The following PCDHGA7 variants were observed in gnomAD, a reference collection of about 807,000 sequenced individuals.
PCDHGA7 encodes the protein protocadherin gamma subfamily A, 7, also known as protocadherin gamma-A7.
A neutral mutation model predicts 58.3 loss-of-function variants in PCDHGA7; 44 were observed. The observed-to-expected ratio is 0.75, with a 90% confidence interval of 0.59 to 0.97. The LOEUF is 0.97. Among genes scored for constraint, PCDHGA7 ranks in the 50% least tolerant of loss-of-function variants. PCDHGA7 has a pLI of 0.00. For synonymous variants in PCDHGA7, 516 were observed against 504.2 expected (o/e 1.02, Z -0.31); for missense variants, 1,266 against 1,188.7 (o/e 1.06, Z -0.96).
At chr5:141,510,785 C>G (rs951225541) in intron 3 of PCDHGA7, among the ~76,000 whole-genome samples, 162 bp from the exon 4 acceptor site, 1 of 152,150 alleles carries the variant, frequency 6.6e-6, no homozygotes, top group Non-Finnish European at 1.5e-5. Flanking sequence ...ACCCTCAACT[C>G]TTGTGAAGAG....
chr5:141,445,991 T>C (rs532620580), intron 1 of PCDHGA7, among the ~76,000 whole-genome samples: 147 of 152,168 alleles, frequency 9.7e-4, no homozygotes, highest in Admixed American at 3.4e-3. Context: ...TAAATAGAAA[T>C]AGGAAGATAA....
Position 141,458,657 on chromosome 5 carries a change from C to T in PCDHGA7, c.2425-36150C>T, listed in dbSNP as rs1214452360. On this transcript the variant is annotated intron_variant, in intron 1 of 3. Coordinates refer to ENST00000518325, the MANE Select transcript of PCDHGA7 (RefSeq NM_018920.4). ...CAATCCCAGCTCACTGCAACCTCCA[C>T]CTCTCGGGTTCAAGCAATTCTACTG... Among the ~76,000 whole-genome samples, 6 of 152,276 alleles carry T rather than the reference C, an allele frequency of 3.9e-5. No homozygotes were observed. In the East Asian group the frequency reaches 9.6e-4, roughly 24 times the overall value.
At chr5:141,410,903 G>C (rs191165984) in intron 1 of PCDHGA7, 2 of 276,978 alleles carry the variant, frequency 7.2e-6, no homozygotes, top group South Asian at 4.9e-5. Context: ...GCCTAGGCTG[G>C]AGTGCAGTGG....
chr5:141,501,530 G>T (rs556760554), intron 2 of PCDHGA7, among the ~76,000 whole-genome samples: 1 of 151,998 alleles, frequency 6.6e-6, no homozygotes, highest in East Asian at 1.9e-4. Flanking sequence ...AGCCCAGTAC[G>T]TTGTTGTGCA....
chr5:141,415,935 C>A, intron 1 of PCDHGA7: 1 of 601,886 alleles, frequency 1.7e-6, no homozygotes, highest in Non-Finnish European at 2.4e-6. Context: ...TTTATATTTC[C>A]TCCTGGGTGG....
chr5:141,495,424 A>G (rs927637242), intron 2 of PCDHGA7, among the ~76,000 whole-genome samples: 2 of 152,088 alleles, frequency 1.3e-5, no homozygotes, highest in Non-Finnish European at 2.9e-5. Flanking sequence ...CCCTCCTCCC[A>G]CTGTCCTCTG....
chr5:141,430,953 G>A (rs2097330054), intron 1 of PCDHGA7: 1 of 1,611,124 alleles, frequency 6.2e-7, no homozygotes, highest in African/African-American at 1.3e-5. Context: ...CGCGGAGTCC[G>A]CATCATCCCC....
chr5:141,432,237 A>T lies in PCDHGA7; in HGVS notation c.2424+46914A>T. ...GCCCAGATCACTTATTCCCTGGCTG[A>T]GAACACCATCCAAGGGGCAAGCCTA... On this transcript the variant is annotated intron_variant, in intron 1 of 3. Transcript: ENST00000518325. The surrounding 1 kb of genome is among the most constrained non-coding windows in gnomAD (Gnocchi z 6.0). The T allele has an allele frequency of 2.5e-6, 4 of 1,614,224 alleles. No individual in the cohort carries two copies. Among genetic ancestry groups the T allele is most frequent in the Non-Finnish European group, 3.4e-6 (4 of 1,180,032 alleles).
chr5:141,402,915 C>G (rs1232523303), intron 1 of PCDHGA7: 2 of 1,564,688 alleles, frequency 1.3e-6, no homozygotes, highest in Admixed American at 1.9e-5. Flanking sequence ...GCAGCGCGCA[C>G]AGAGATCCTT....
At position 141,485,675 on chromosome 5, in the gene PCDHGA7, A is replaced by C. The variant is rs1562106929; in HGVS notation, c.2425-9132A>C. 6.2e-7 allele frequency: 1 copy of C among 1,613,068 alleles called. No homozygotes were observed. The highest frequency in any genetic ancestry group is 8.5e-7 in the Non-Finnish European group (1 of 1,179,150). On this transcript the variant is annotated intron_variant, in intron 1 of 3. Coordinates refer to ENST00000518325, the MANE Select transcript of PCDHGA7 (RefSeq NM_018920.4). The surrounding 1 kb of genome is among the most constrained non-coding windows in gnomAD (Gnocchi z 5.7). ...TGCAGATGTGGGGAGCAATTCGATT[A>C]GCAGCTATAGGCTGAGCTCCAATGA...
Position 141,476,512 on chromosome 5 carries a change from T to C in PCDHGA7, c.2425-18295T>C, listed in dbSNP as rs1171240377. ...TGATCCAGGACATCAACGACAACAA[T>C]CCTGCTTTCCCTACCCAGGAAATGA... On this transcript the variant is annotated intron_variant, in intron 1 of 3. Transcript: ENST00000518325. This position sits in a 1 kb window ranked among gnomAD's most constrained non-coding sequence, Gnocchi z 7.6. The C allele has an allele frequency of 6.2e-7, 1 of 1,613,642 alleles. No homozygotes were observed. Among genetic ancestry groups the C allele is most frequent in the Non-Finnish European group, 8.5e-7 (1 of 1,179,940 alleles).
Position 141,476,264 on chromosome 5 carries a change from G to C in PCDHGA7, c.2425-18543G>C, listed in dbSNP as rs753184649. The C allele has an allele frequency of 6.2e-7, 1 of 1,614,082 alleles. No individual in the cohort carries two copies. Among genetic ancestry groups the C allele is most frequent in the Non-Finnish European group, 8.5e-7 (1 of 1,180,010 alleles). On this transcript the variant is annotated intron_variant, in intron 1 of 3. Transcript: ENST00000518325. This position sits in a 1 kb window ranked among gnomAD's most constrained non-coding sequence, Gnocchi z 7.6. ...AGAGAAGGGTTTCGCTGTGGGCAAC[G>C]TGGTCGCGAACCTTGGTTTGGATCT...
Position 141,476,114 on chromosome 5 carries a change from G to A in PCDHGA7, c.2425-18693G>A. Reference sequence around the variant, plus strand: ...CCGCTGAGAGGAACTGCTTTTGAGTGAGATGGTCCCAGAGGCCTGGAGGAG... The same window carrying A: ...CCGCTGAGAGGAACTGCTTTTGAGTAAGATGGTCCCAGAGGCCTGGAGGAG... On this transcript the variant is annotated intron_variant, in intron 1 of 3. Coordinates refer to ENST00000518325, the MANE Select transcript of PCDHGA7 (RefSeq NM_018920.4). The surrounding 1 kb of genome is among the most constrained non-coding windows in gnomAD (Gnocchi z 7.6). 6.3e-7 allele frequency: 1 copy of A among 1,592,296 alleles called. No individual in the cohort carries two copies. The highest frequency in any genetic ancestry group is 8.5e-7 in the Non-Finnish European group (1 of 1,171,536).
chr5:141,426,418 T>C (rs1445827088), intron 1 of PCDHGA7: 2 of 288,504 alleles, frequency 6.9e-6, no homozygotes, highest in Non-Finnish European at 1.4e-5. Flanking sequence ...GGTCCAGGGC[T>C]CCGTGGTGGG....
chr5:141,397,353 AG>A (rs556761818), intron 1 of PCDHGA7, among the ~76,000 whole-genome samples: 31 of 152,340 alleles, frequency 2.0e-4, no homozygotes, highest in Non-Finnish European at 2.9e-4. Flanking sequence ...TAATATAGTC[AG>A]GAAGAGGAGA....
At chr5:141,398,079 G>A (rs1409220171) in intron 1 of PCDHGA7, 9 of 1,596,334 alleles carry the variant, frequency 5.6e-6, no homozygotes, top group Middle Eastern at 3.8e-4. Context: ...GAGGTTATTT[G>A]TAACCTGGCG....
In PCDHGA7 at chr5:141,504,261, A is replaced by AT. The variant is rs144925096; in HGVS notation, c.2484-1125dup. Among the ~76,000 whole-genome samples the AT allele has an allele frequency of 3.8e-3, 573 of 152,258 alleles. 3 individuals are homozygous for AT. The highest frequency in any genetic ancestry group is 0.012 in the African/African-American group (514 of 41,556). ...CAGAGAGTTCTTCTTATGGTTTAGT[A>AT]TTTTTTTAAATTATGAATCATTTCA... On this transcript the variant is annotated intron_variant, in intron 2 of 3. Transcript: ENST00000518325.
At chr5:141,505,576 T>C in intron 3 of PCDHGA7, 95 bp downstream of exon 3, 5 of 1,590,334 alleles carry the variant, frequency 3.1e-6, no homozygotes, top group Admixed American at 1.7e-5. Context: ...ATGTCAAACC[T>C]GTGTAGTTTC....
In PCDHGA7 at chr5:141,432,976, C is replaced by T; in HGVS notation, c.2424+47653C>T. 1 of 1,614,210 alleles carries T rather than the reference C, an allele frequency of 6.2e-7. No individual in the cohort carries two copies. On this transcript the variant is annotated intron_variant, in intron 1 of 3. Transcript: ENST00000518325. The surrounding 1 kb of genome is among the most constrained non-coding windows in gnomAD (Gnocchi z 6.0). Reference sequence around the variant, plus strand: ...GCTTGACAGGAGCGCCGGCGTCGCACTTTGTGGGCGTGGACGGGGTGCAGG... The same window carrying T: ...GCTTGACAGGAGCGCCGGCGTCGCATTTTGTGGGCGTGGACGGGGTGCAGG...
Sources: gnomAD v4.1 joint callset for allele counts (sites outside exome capture counted in the v4.1 genomes callset) on GRCh38, gnomAD v4.1.1 for gene constraint, Gnocchi (gnomAD v3.1) non-coding constraint, MANE v1.5 for transcripts, NCBI Gene and HGNC (gene_info 2026-07-23, HGNC 2026-07-21) for gene names.